Variants in ANO1 observed in about 807,000 individuals in gnomAD.
The protein encoded by ANO1 is anoctamin-1.
In ANO1, 59 loss-of-function variants were observed where a neutral mutation model predicts 124.0. The ratio of observed to expected loss-of-function variants is 0.48; its 90% CI spans 0.39 to 0.59. The LOEUF (loss-of-function observed/expected upper bound fraction) is 0.59. Ranked by LOEUF, ANO1 falls within the 20% of genes least tolerant of loss-of-function variation. The probability of loss-of-function intolerance (pLI) is 0.00; values close to 1 mark genes in which losing one functional copy is unlikely to be tolerated. For missense variants in ANO1, 1,059 were observed against 1,328.0 expected (o/e 0.80, Z 3.15); for synonymous variants, 529 against 532.0 (o/e 0.99, Z 0.08).
intron 1 of ANO1, among the ~76,000 whole-genome samples, chr11:70,028,396 T>C (rs1185858930): frequency 1.3e-5 from 2 of 152,196 alleles, no homozygotes; most frequent in Non-Finnish European, 2.9e-5. Flanking sequence ...GTCCACACTC[T>C]GCCACCCCAG....
intron 11 of ANO1, among the ~76,000 whole-genome samples, chr11:70,136,958 AG>A (rs2135550410): frequency 6.8e-6 from 1 of 146,956 alleles, no homozygotes; most frequent in African/African-American, 2.4e-5. Flanking sequence ...CTGGCCAGGG[AG>A]GGGGTGAGCG....
intron 1 of ANO1, among the ~76,000 whole-genome samples, chr11:70,011,283 A>T (rs1565160019): frequency 6.6e-6 from 1 of 152,106 alleles, no homozygotes; most frequent in Non-Finnish European, 1.5e-5. Flanking sequence ...GGAGGGAAGG[A>T]TGGGAAGTGT....
At chr11:70,014,141 C>G (rs565516418) in intron 1 of ANO1, among the ~76,000 whole-genome samples, 1 of 151,928 alleles carries the variant, frequency 6.6e-6, no homozygotes, top group South Asian at 2.1e-4. Context: ...AGTTCCATTG[C>G]GGGTGAGAGT....
rs891995591 is a variant in ANO1, at chr11:70,092,376, A to G, written c.441+4292A>G. Among the ~76,000 whole-genome samples, 20 of 152,334 alleles carry G rather than the reference A, an allele frequency of 1.3e-4. 1 individual carries two copies. The highest frequency in any genetic ancestry group is 8.5e-4 in the Admixed American group (13 of 15,302). ...CCCACTCCAGTAGCTGAGATGCTGC[A>G]CTGGGCAGGTAATCCTGGAGTTGGC... is the stretch of plus-strand genomic sequence containing the variant. On this transcript the variant is annotated intron_variant, in intron 2 of 25. Transcript: ENST00000355303.
At chr11:70,025,080 T>G (rs180703119) in intron 1 of ANO1, among the ~76,000 whole-genome samples, 1 of 152,170 alleles carries the variant, frequency 6.6e-6, no homozygotes, top group South Asian at 2.1e-4. Flanking sequence ...TCCATGGCTG[T>G]TCAGGAAACC....
At chr11:70,025,391 G>T (rs1461766072) in intron 1 of ANO1, among the ~76,000 whole-genome samples, 3 of 152,184 alleles carry the variant, frequency 2.0e-5, no homozygotes, top group Non-Finnish European at 4.4e-5. Context: ...TGAGAATAAT[G>T]ATGGTGGTGG....
chr11:70,131,810 G>A (rs565950030), intron 10 of ANO1, 109 bp from the exon 11 acceptor site: 16 of 1,373,698 alleles, frequency 1.2e-5, no homozygotes, highest in Middle Eastern at 2.0e-4. Context: ...AGGGACCCTC[G>A]CCAACCCCCA....
intron 1 of ANO1, among the ~76,000 whole-genome samples, chr11:70,048,766 G>T (rs929314353): frequency 6.7e-6 from 1 of 150,282 alleles, no homozygotes; most frequent in Non-Finnish European, 1.5e-5. Flanking sequence ...GCCACTAGGT[G>T]CTGTTTTGTG....
Position 70,080,039 on chromosome 11 carries a change from T to C in ANO1, c.108+1325T>C, listed in dbSNP as rs1590672803. Among the ~76,000 whole-genome samples the C allele has an allele frequency of 3.3e-5, 5 of 152,330 alleles. No homozygotes were observed. The Middle Eastern group carries it at 0.01, about 311-fold the overall frequency. The stretch of plus-strand genomic sequence containing the variant: ...TTGATCAAAGCCATGTGCCAGGCCA[T>C]GCTGGCCCCTGGGCACCCTCAAAGA... On this transcript the variant is annotated intron_variant, in intron 1 of 25. Transcript: ENST00000355303.
intron 11 of ANO1, among the ~76,000 whole-genome samples, chr11:70,137,534 CTG>C (rs2046997065): frequency 6.9e-6 from 1 of 144,604 alleles, no homozygotes; most frequent in African/African-American, 2.4e-5. Flanking sequence ...ACCCAGGAGG[CTG>C]TGACTCCCCA....
In ANO1 at chr11:70,093,063, C is replaced by T. The variant is rs116112230; in HGVS notation, c.441+4979C>T. ...CCTCCTCACCTCTTATTCACCTCTACCTCTCTATCTCTCTCTCTCACTTCT... is the reference window on the plus strand; with the variant it reads ...CCTCCTCACCTCTTATTCACCTCTATCTCTCTATCTCTCTCTCTCACTTCT... On this transcript the variant is annotated intron_variant, in intron 2 of 25. Coordinates refer to ENST00000355303, the MANE Select transcript of ANO1 (RefSeq NM_018043.7). 8.7e-3 allele frequency among the ~76,000 whole-genome samples: 1,319 copies of T among 151,492 alleles called. 26 individuals carry two copies. Among genetic ancestry groups the T allele is most frequent in the African/African-American group, 0.029 (1,182 of 41,216 alleles).
intron 2 of ANO1, among the ~76,000 whole-genome samples, chr11:70,092,381 G>A (rs186612463): frequency 6.6e-6 from 1 of 152,348 alleles, no homozygotes; most frequent in Admixed American, 6.5e-5. Flanking sequence ...GCTGCACTGG[G>A]CAGGTAATCC....
rs1368271016 is a variant in ANO1, at chr11:70,188,136, T to C, written c.*132T>C. 2.9e-6 allele frequency: 3 copies of C among 1,020,974 alleles called. No homozygotes were observed. The highest frequency in any genetic ancestry group is 3.2e-5 in the African/African-American group (2 of 61,556). The allele number at this position is 1,020,974 out of a possible 1,614,324, so 63.2% of individuals were successfully genotyped here. A position where few individuals can be genotyped will look rare whatever the true frequency, so the allele number is the denominator to read the frequency against. ...TTTCTGCAAACATGGAGGACCACTTTCTGATAGGACATTTTCCTTTCTTCT... is the reference window on the plus strand; with the variant it reads ...TTTCTGCAAACATGGAGGACCACTTCCTGATAGGACATTTTCCTTTCTTCT... On this transcript the variant is annotated 3_prime_UTR_variant, in exon 26 of 26. Transcript: ENST00000355303.
At chr11:70,027,971 T>A (rs1214582732) in intron 1 of ANO1, among the ~76,000 whole-genome samples, 2 of 152,210 alleles carry the variant, frequency 1.3e-5, no homozygotes, top group Non-Finnish European at 2.9e-5. Flanking sequence ...GGTTTTTTGT[T>A]GGTATTCAAA....
chr11:70,073,712 G>A (rs2044016588), upstream of ANO1, among the ~76,000 whole-genome samples: 3 of 152,242 alleles, frequency 2.0e-5, no homozygotes, highest in South Asian at 6.2e-4. Context: ...CCCCAGGTGA[G>A]CTTTAAAGCT....
chr11:70,041,590 A>G (rs1041020740), intron 1 of ANO1, among the ~76,000 whole-genome samples: 2 of 152,212 alleles, frequency 1.3e-5, no homozygotes, highest in African/African-American at 4.8e-5. Flanking sequence ...AATAACAACA[A>G]CAGCAGCAAC....
chr11:70,074,246 C>A (rs2044024827), upstream of ANO1, among the ~76,000 whole-genome samples: 1 of 152,050 alleles, frequency 6.6e-6, no homozygotes, highest in Non-Finnish European at 1.5e-5. Flanking sequence ...CTGGGCTGCT[C>A]ATGAGTCAAC....
At chr11:70,058,487 C>T (rs559168036) in intron 1 of ANO1, among the ~76,000 whole-genome samples, 3 of 152,274 alleles carry the variant, frequency 2.0e-5, no homozygotes, top group South Asian at 2.1e-4. Context: ...GATATGTCTG[C>T]GATGCTAGCA....
chr11:70,172,200 T>G (rs555510719), intron 22 of ANO1, among the ~76,000 whole-genome samples: 53 of 151,722 alleles, frequency 3.5e-4, no homozygotes, highest in African/African-American at 8.9e-4. Flanking sequence ...AGAGCAGACT[T>G]CCTTGTGGAT....
Sources: gnomAD v4.1 joint callset for allele counts (sites outside exome capture counted in the v4.1 genomes callset) on GRCh38, gnomAD v4.1.1 for gene constraint, MANE v1.5 for transcripts, NCBI Gene and HGNC (gene_info 2026-07-23, HGNC 2026-07-21) for gene names.